XPO4: variants seen among roughly 807,000 people sequenced by gnomAD.
The protein encoded by XPO4 is exportin-4.
XPO4 carries 39 observed loss-of-function variants against 143.0 expected under a neutral mutation model. The ratio of observed to expected loss-of-function variants is 0.27; its 90% CI spans 0.21 to 0.36. The LOEUF (loss-of-function observed/expected upper bound fraction) is 0.36. Among genes scored for constraint, XPO4 ranks in the 10% least tolerant of loss-of-function variants. The pLI is 1.00. For missense variants in XPO4, 907 were observed against 1,348.0 expected (o/e 0.67, Z 5.12); for synonymous variants, 439 against 474.0 (o/e 0.93, Z 0.96).
chr13:20,892,545 C>T (rs958717825), intron 1 of XPO4, among the ~76,000 whole-genome samples: 7 of 152,128 alleles, frequency 4.6e-5, no homozygotes, highest in African/African-American at 1.7e-4. Flanking sequence ...AGGTGCCAAG[C>T]CCTGTACTAG....
intron 11 of XPO4, 41 bp downstream of exon 11, chr13:20,809,042 G>A (rs1271922770): frequency 1.9e-6 from 3 of 1,595,460 alleles, no homozygotes; most frequent in Non-Finnish European, 2.6e-6. Context: ...ATTGTGAATA[G>A]AGAATATTTG....
At chr13:20,892,666 G>C (rs1246744290) in intron 1 of XPO4, among the ~76,000 whole-genome samples, 4 of 151,978 alleles carry the variant, frequency 2.6e-5, no homozygotes, top group African/African-American at 9.7e-5. Flanking sequence ...TGTTATAAAA[G>C]AACTACCAAT....
chr13:20,804,780 A>G (rs1415572920), intron 13 of XPO4, among the ~76,000 whole-genome samples: 1 of 152,204 alleles, frequency 6.6e-6, no homozygotes, highest in East Asian at 1.9e-4. Context: ...CCTAGATTAC[A>G]TTTGTATGTC....
In XPO4 at chr13:20,783,808, TAGG is replaced by T. The variant is rs753713768; in HGVS notation, c.3367_3369del (p.Pro1123del). 7 of 1,614,238 alleles carry T rather than the reference TAGG, an allele frequency of 4.3e-6. No homozygotes were observed. Among genetic ancestry groups the T allele is most frequent in the Non-Finnish European group, 5.9e-6 (7 of 1,180,038 alleles). ...GCCATCTTCTGCTTCCGATCCAGCG[TAGG>T]AGGAGTGCTGCTTGCAGTGAGCTTG... On this transcript the variant is annotated inframe_deletion, in exon 23 of 23. Transcript: ENST00000255305.
intron 9 of XPO4, among the ~76,000 whole-genome samples, chr13:20,820,695 A>G (rs1200856722): frequency 6.6e-6 from 1 of 152,210 alleles, no homozygotes; most frequent in Non-Finnish European, 1.5e-5. Context: ...CATTTTCTCT[A>G]CCGTATAAAC....
intron 4 of XPO4, chr13:20,848,569 C>T (rs1726268977): frequency 2.0e-6 from 2 of 985,154 alleles, no homozygotes; most frequent in African/African-American, 1.7e-5. Context: ...CCTATTTCAG[C>T]TTTATTCTAT....
At chr13:20,823,807 G>T (rs1390702694) in intron 7 of XPO4, among the ~76,000 whole-genome samples, 2 of 152,070 alleles carry the variant, frequency 1.3e-5, no homozygotes, top group African/African-American at 4.8e-5. Context: ...ACGTGCCACG[G>T]CGCCTGGCTA....
intron 1 of XPO4, among the ~76,000 whole-genome samples, chr13:20,900,365 C>G (rs1429901465): frequency 6.6e-6 from 1 of 151,590 alleles, no homozygotes; most frequent in East Asian, 1.9e-4. Context: ...GCCTGGGCAA[C>G]AGAGTGAGAC....
At chr13:20,826,051 T>C (rs2059780685) in intron 7 of XPO4, among the ~76,000 whole-genome samples, 1 of 152,234 alleles carries the variant, frequency 6.6e-6, no homozygotes, top group African/African-American at 2.4e-5. Context: ...AATAGCTTTT[T>C]TACTTTTAAT....
intron 1 of XPO4, among the ~76,000 whole-genome samples, chr13:20,873,302 GATTA>G (rs898889603): frequency 7.4e-4 from 112 of 152,200 alleles, no homozygotes; most frequent in African/African-American, 2.7e-3. Flanking sequence ...GAACTCTAAA[GATTA>G]CTTACTAATG....
intron 1 of XPO4, among the ~76,000 whole-genome samples, chr13:20,892,163 T>C (rs772535438): frequency 5.3e-5 from 8 of 151,972 alleles, no homozygotes; most frequent in Admixed American, 4.6e-4. Context: ...CTTGGCTCAC[T>C]GCAACCTTCA....
chr13:20,874,810 T>C (rs1215352168), intron 1 of XPO4, among the ~76,000 whole-genome samples: 3 of 152,098 alleles, frequency 2.0e-5, no homozygotes, highest in African/African-American at 7.2e-5. Context: ...CTGACCAACA[T>C]GGTGAAATCC....
At chr13:20,801,864 G>T (rs760048275) in intron 13 of XPO4, among the ~76,000 whole-genome samples, 1 of 152,096 alleles carries the variant, frequency 6.6e-6, no homozygotes, top group African/African-American at 2.4e-5. Context: ...ATACACACGT[G>T]TTTCAGTTCT....
At chr13:20,786,024 AGAC>A (rs1269607777) in intron 22 of XPO4, among the ~76,000 whole-genome samples, 5 of 151,460 alleles carry the variant, frequency 3.3e-5, no homozygotes, top group African/African-American at 9.7e-5. Context: ...GGATCAGACA[AGAC>A]GACTACCTTG....
chr13:20,837,596 T>C (rs895300513), intron 6 of XPO4, among the ~76,000 whole-genome samples: 4 of 152,088 alleles, frequency 2.6e-5, no homozygotes, highest in East Asian at 1.9e-4. Context: ...ATGGGGTGTA[T>C]TGGTCCATTC....
intron 1 of XPO4, among the ~76,000 whole-genome samples, chr13:20,870,544 A>G (rs1595148513): frequency 6.6e-6 from 1 of 152,168 alleles, no homozygotes; most frequent in East Asian, 1.9e-4. Context: ...TGCCTGGCCA[A>G]CATGGTGAAA....
At position 20,847,782 on chromosome 13, in the gene XPO4, G is replaced by A. The variant is rs1327051467; in HGVS notation, c.457-3896C>T. Among the ~76,000 whole-genome samples the A allele has an allele frequency of 2.6e-5, 4 of 152,080 alleles. No individual in the cohort carries two copies. In the East Asian group the frequency reaches 7.7e-4, roughly 29 times the overall value. On this transcript the variant is annotated intron_variant, in intron 4 of 22. Transcript: ENST00000255305. ...CTAACTAACTAATTGATAAAAGACT[G>A]CCATACTAAAATACACAGGAATTTG...
intron 6 of XPO4, among the ~76,000 whole-genome samples, chr13:20,837,861 C>T (rs929451420): frequency 4.6e-5 from 7 of 152,114 alleles, no homozygotes; most frequent in South Asian, 2.1e-4. Flanking sequence ...GAGGAAACTG[C>T]CCCCATGACT....
In XPO4 at chr13:20,777,365, C is replaced by G. The variant is rs1595037590; in HGVS notation, c.*6357G>C. On this transcript the variant is annotated 3_prime_UTR_variant, in exon 23 of 23. Coordinates refer to ENST00000255305, the MANE Select transcript of XPO4 (RefSeq NM_022459.5). ...TACAATGGAATTTATTGAGCATCTACTATTATATTTCATCCATCACTTTTA... is the reference window on the plus strand; with the variant it reads ...TACAATGGAATTTATTGAGCATCTAGTATTATATTTCATCCATCACTTTTA... 2 of 152,300 alleles carry G rather than the reference C, an allele frequency of 1.3e-5. No homozygotes were observed. The highest frequency in any genetic ancestry group is 3.9e-4 in the East Asian group (2 of 5,190). The allele number at this position is 152,300 out of a possible 1,614,324, so 9.4% of individuals were successfully genotyped here.
Sources: gnomAD v4.1 joint callset for allele counts (sites outside exome capture counted in the v4.1 genomes callset) on GRCh38, gnomAD v4.1.1 for gene constraint, MANE v1.5 for transcripts, NCBI Gene and HGNC (gene_info 2026-07-23, HGNC 2026-07-21) for gene names.